Variants in HCN4 observed in about 807,000 individuals in gnomAD.
HCN4 encodes the protein hyperpolarization activated cyclic nucleotide gated potassium channel 4, also known as potassium/sodium hyperpolarization-activated cyclic nucleotide-gated channel 4.
In HCN4, 29 loss-of-function variants were observed where a neutral mutation model predicts 76.9. The ratio of observed to expected loss-of-function variants is 0.38; its 90% CI spans 0.28 to 0.51. The LOEUF is 0.51. HCN4 is among the 20% of genes least tolerant of loss of function. HCN4 has a pLI of 0.90. For missense variants in HCN4, 1,416 were observed against 1,715.2 expected (o/e 0.83, Z 3.08); for synonymous variants, 772 against 762.5 (o/e 1.01, Z -0.21).
chr15:73,337,216 T>A (rs1012432390), intron 2 of HCN4, among the ~76,000 whole-genome samples: 2 of 152,260 alleles, frequency 1.3e-5, no homozygotes, highest in African/African-American at 4.8e-5. Context: ...TTTGCCCTGA[T>A]GAATTTCCTT....
In HCN4 at chr15:73,368,131, C is replaced by G; in HGVS notation, c.140G>C (p.Ser47Thr). 1 of 1,514,274 alleles carries G rather than the reference C, an allele frequency of 6.6e-7. No individual in the cohort carries two copies. The highest frequency in any genetic ancestry group is 8.8e-7 in the Non-Finnish European group (1 of 1,133,512). The allele number at this position is 1,514,274 out of a possible 1,614,324, so 93.8% of individuals were successfully genotyped here. ...AGGRQDPSRR[S>T]IRLRPLPSPS... is the part of the protein sequence containing the mutation. ...CGAGGGCAGTGGCCGCAGCCGGATG[C>G]TCCTGCGGCTGGGGTCTTGGCGGCC... is the stretch of plus-strand genomic sequence containing the variant. Residue 47 changes from serine to threonine, a missense_variant, in exon 1 of 8, where the codon AGC becomes ACC. Ser to Thr is a moderately conservative substitution (Grantham distance 58). This residue lies in a region of HCN4 where 355 missense variants were observed against 347.8 expected (regional missense o/e 1.02). Transcript: ENST00000261917. The surrounding 1 kb of genome is among the most constrained non-coding windows in gnomAD (Gnocchi z 6.9).
In HCN4 at chr15:73,319,973, G is replaced by A. The variant is rs1427729922; in HGVS notation, c.*2508C>T. ...GTGACTGGGTGTGGGAGGGCCCATTGCCTGCACCTGTCTGTCCCAGTCTCT... is the reference window on the plus strand; with the variant it reads ...GTGACTGGGTGTGGGAGGGCCCATTACCTGCACCTGTCTGTCCCAGTCTCT... On this transcript the variant is annotated 3_prime_UTR_variant, in exon 8 of 8. Coordinates refer to ENST00000261917, the MANE Select transcript of HCN4 (RefSeq NM_005477.3). The A allele has an allele frequency of 6.6e-6, 1 of 152,214 alleles. No homozygotes were observed. Among genetic ancestry groups the A allele is most frequent in the Non-Finnish European group, 1.5e-5 (1 of 68,062 alleles). The allele number at this position is 152,214 out of a possible 1,614,324, so 9.4% of individuals were successfully genotyped here.
rs759253428 is a variant in HCN4 at position 73,332,224 on chromosome 15, G to C, written c.1278C>G (p.Leu426=). ...VRIVNLIGMM[L]LLCHWDGCLQ... is the part of the protein sequence containing the mutation. ...GGCAGCCGTCCCAGTGGCAGAGCAGGAGCATCATGCCGATGAGGTTCACGA... is the reference window on the plus strand; with the variant it reads ...GGCAGCCGTCCCAGTGGCAGAGCAGCAGCATCATGCCGATGAGGTTCACGA... The change falls in exon 3 of 8, where the codon CTC becomes CTG. Residue 426 remains leucine, a synonymous_variant. Transcript: ENST00000261917. 2.5e-6 allele frequency: 4 copies of C among 1,614,178 alleles called. 1 individual carries two copies. The South Asian group carries it at 3.3e-5, about 13-fold the overall frequency.
At position 73,322,772 on chromosome 15, in the gene HCN4, G is replaced by C; in HGVS notation, c.3321C>G (p.His1107Gln). ...GAQTLRRASP[H>Q]SSGESMAAFP... ...AGGCAGCCATGGACTCCCCTGAGGA[G>C]TGCGGGGAGGCTCTGCGGAGAGTCT... is the stretch of plus-strand genomic sequence containing the variant. Residue 1107 changes from histidine to glutamine, a missense_variant, in exon 8 of 8, where the codon CAC (histidine) becomes CAG (glutamine). Physicochemically the swap from His to Gln is conservative, Grantham distance 24. Around this residue, in one of 6 missense-constraint regions of HCN4, gnomAD observed 633 missense variants for 579.8 expected, o/e 1.09. Coordinates refer to ENST00000261917, the MANE Select transcript of HCN4 (RefSeq NM_005477.3). 6.4e-7 allele frequency: 1 copy of C among 1,557,190 alleles called. No individual in the cohort carries two copies.
intron 1 of HCN4, among the ~76,000 whole-genome samples, chr15:73,346,209 T>C (rs2043029011): frequency 6.6e-6 from 1 of 151,988 alleles, no homozygotes; most frequent in Non-Finnish European, 1.5e-5. Context: ...TATAATATGG[T>C]GGGAGGAGGG....
In HCN4 at chr15:73,323,206, G is replaced by A. The variant is rs1260181519; in HGVS notation, c.2887C>T (p.Pro963Ser). The change falls in exon 8 of 8, where the codon CCC becomes TCC. Residue 963 changes from proline (P) to serine (S), a missense_variant. Physicochemically the swap from Pro to Ser is moderately conservative, Grantham distance 74. This residue lies in a region of HCN4 where 633 missense variants were observed against 579.8 expected (regional missense o/e 1.09). Coordinates refer to ENST00000261917, the MANE Select transcript of HCN4 (RefSeq NM_005477.3). ...GLPEHFLPPP[P>S]SSRSPSSSPG... ...CTAGATGACGGGGATCTGGATGAGG[G>A]TGGGGGTGGCAGGAAGTGCTCCGGG... The A allele has an allele frequency of 6.5e-7, 1 of 1,538,506 alleles. No individual in the cohort carries two copies. Among genetic ancestry groups the A allele is most frequent in the Middle Eastern group, 1.8e-4 (1 of 5,688 alleles).
At chr15:73,330,340 A>T (rs994004406) in intron 3 of HCN4, among the ~76,000 whole-genome samples, 2 of 152,210 alleles carry the variant, frequency 1.3e-5, no homozygotes, top group African/African-American at 4.8e-5. Flanking sequence ...CGCCTCTGCT[A>T]GGGCTGCGGC....
chr15:73,329,291 C>G (rs747896200), intron 4 of HCN4, among the ~76,000 whole-genome samples: 1 of 152,136 alleles, frequency 6.6e-6, no homozygotes, highest in African/African-American at 2.4e-5. Flanking sequence ...TGGAGCAGCA[C>G]GGAGGGCACA....
intron 2 of HCN4, among the ~76,000 whole-genome samples, chr15:73,342,079 C>G (rs1014264636): frequency 5.9e-5 from 9 of 152,212 alleles, no homozygotes; most frequent in Non-Finnish European, 1.0e-4. Context: ...GGCTGTCTCA[C>G]AGAGAGAGTA....
At position 73,322,787 on chromosome 15, in the gene HCN4, G is replaced by A; in HGVS notation, c.3306C>T (p.Arg1102=). The part of the protein sequence containing the change: ...ALPQDGAQTL[R]RASPHSSGES... ...CCCCTGAGGAGTGCGGGGAGGCTCTGCGGAGAGTCTGCGCCCCGTCCTGAG... is the reference window on the plus strand; with the variant it reads ...CCCCTGAGGAGTGCGGGGAGGCTCTACGGAGAGTCTGCGCCCCGTCCTGAG... Residue 1102 remains arginine (R), a synonymous_variant, in exon 8 of 8, where the codon CGC becomes CGT. Coordinates refer to ENST00000261917, the MANE Select transcript of HCN4 (RefSeq NM_005477.3). 2 of 1,553,654 alleles carry A rather than the reference G, an allele frequency of 1.3e-6. No individual in the cohort carries two copies. The highest frequency in any genetic ancestry group is 8.7e-7 in the Non-Finnish European group (1 of 1,148,754).
rs2043040168 is a variant in HCN4, at chr15:73,348,810, C to T, written c.786-5002G>A. On this transcript the variant is annotated intron_variant, in intron 1 of 7. Transcript: ENST00000261917. ...CTCAGTGCCCCATCTGTTACCCTCT[C>T]CAACTTTGCAGACAGCTCCCACTCA... 3.3e-5 allele frequency among the ~76,000 whole-genome samples: 5 copies of T among 152,336 alleles called. No individual in the cohort carries two copies. In the South Asian group the frequency reaches 1.0e-3, roughly 32 times the overall value.
chr15:73,332,378 T>C (rs1306575584), intron 2 of HCN4, 86 bp from the exon 3 acceptor site: 1 of 1,366,150 alleles, frequency 7.3e-7, no homozygotes, highest in East Asian at 2.3e-5. Flanking sequence ...GAGCTGCTGG[T>C]GGGCACTGCT....
At chr15:73,336,681 A>G (rs918408375) in intron 2 of HCN4, among the ~76,000 whole-genome samples, 6 of 152,080 alleles carry the variant, frequency 3.9e-5, no homozygotes, top group Non-Finnish European at 8.8e-5. Context: ...TTTTGGCTCT[A>G]CTGCCTAAGT....
chr15:73,322,905 G>A lies in HCN4; in HGVS notation c.3188C>T (p.Pro1063Leu). 7.1e-7 allele frequency: 1 copy of A among 1,411,338 alleles called. No individual in the cohort carries two copies. The highest frequency in any genetic ancestry group is 9.4e-7 in the Non-Finnish European group (1 of 1,068,112). The allele number at this position is 1,411,338 out of a possible 1,614,324, so 87.4% of individuals were successfully genotyped here. ...LLPPASSPPPPQVPQRRGTPP... is the reference protein window; with the variant it reads ...LLPPASSPPPLQVPQRRGTPP... Reference sequence around the variant, plus strand: ...TGTGCCCCGGCGCTGGGGGACCTGGGGTGGTGGGGGGCTGGATGCAGGTGG... The same window carrying A: ...TGTGCCCCGGCGCTGGGGGACCTGGAGTGGTGGGGGGCTGGATGCAGGTGG... Residue 1063 changes from proline (P) to leucine (L), a missense_variant, in exon 8 of 8, where the codon CCC (proline) becomes CTC (leucine). Coordinates refer to ENST00000261917, the MANE Select transcript of HCN4 (RefSeq NM_005477.3).
intron 1 of HCN4, among the ~76,000 whole-genome samples, chr15:73,360,207 A>C (rs555920132): frequency 1.3e-5 from 2 of 152,338 alleles, no homozygotes; most frequent in South Asian, 4.1e-4. Flanking sequence ...AACTGACAGG[A>C]CCATTCAGGA....
At position 73,323,376 on chromosome 15, in the gene HCN4, C is replaced by T; in HGVS notation, c.2717G>A (p.Gly906Glu). ...SAGVAATTIA[G>E]FGHFHKALGG... is the part of the protein sequence containing the mutation. ...CAGCGCCTTGTGGAAGTGGCCAAACCCGGCTATGGTGGTGGCGGCTACGCC... is the reference window on the plus strand; with the variant it reads ...CAGCGCCTTGTGGAAGTGGCCAAACTCGGCTATGGTGGTGGCGGCTACGCC... The change falls in exon 8 of 8, where the codon GGG becomes GAG. Residue 906 changes from glycine to glutamate, a missense_variant. Physicochemically the swap from Gly to Glu is moderately conservative, Grantham distance 98. Coordinates refer to ENST00000261917, the MANE Select transcript of HCN4 (RefSeq NM_005477.3). 3.2e-6 allele frequency: 5 copies of T among 1,584,526 alleles called. No homozygotes were observed. Among genetic ancestry groups the T allele is most frequent in the Non-Finnish European group, 4.3e-6 (5 of 1,165,746 alleles).
chr15:73,352,969 G>A (rs747009143), intron 1 of HCN4, among the ~76,000 whole-genome samples: 1 of 152,132 alleles, frequency 6.6e-6, no homozygotes, highest in Admixed American at 6.5e-5. Context: ...AGGAATCTCA[G>A]TAACATTATC....
chr15:73,343,138 A>C lies in HCN4; in HGVS notation c.1209+247T>G, dbSNP rs769392397. ...TATTTCTGTCTGTTTCTTCAGGTGA[A>C]AAATGAGTATATACATGTACCTATA... On this transcript the variant is annotated intron_variant, in intron 2 of 7. Transcript: ENST00000261917. This position sits in a 1 kb window ranked among gnomAD's most constrained non-coding sequence, Gnocchi z 5.7. Among the ~76,000 whole-genome samples the C allele has an allele frequency of 3.9e-5, 6 of 152,264 alleles. No individual in the cohort carries two copies. The highest frequency in any genetic ancestry group is 8.8e-5 in the Non-Finnish European group (6 of 68,038).
chr15:73,344,940 T>C (rs2043023463), intron 1 of HCN4, among the ~76,000 whole-genome samples: 1 of 152,240 alleles, frequency 6.6e-6, no homozygotes, highest in Non-Finnish European at 1.5e-5. Flanking sequence ...TGTTTCCCTC[T>C]GCTATTAATT....
Sources: gnomAD v4.1 joint callset for allele counts (sites outside exome capture counted in the v4.1 genomes callset) on GRCh38, gnomAD v4.1.1 for gene constraint, gnomAD v4.1.1 regional missense constraint, Gnocchi (gnomAD v3.1) non-coding constraint, MANE v1.5 for transcripts, NCBI Gene and HGNC (gene_info 2026-07-23, HGNC 2026-07-21) for gene names.